ANKS1B: variants seen among roughly 807,000 people sequenced by gnomAD.
The protein encoded by ANKS1B is ankyrin repeat and sterile alpha motif domain containing 1B.
ANKS1B carries 36 observed loss-of-function variants against 148.3 expected under a neutral mutation model. That is an observed-to-expected ratio of 0.24 (90% CI 0.19 to 0.32). The LOEUF is 0.32. Ranked by LOEUF, ANKS1B falls within the 10% of genes least tolerant of loss-of-function variation. The probability of loss-of-function intolerance (pLI) is 1.00; values close to 1 mark genes in which losing one functional copy is unlikely to be tolerated. For synonymous variants in ANKS1B, 542 were observed against 560.8 expected, an observed-to-expected ratio of 0.97 and a Z score of 0.47; for missense variants, 1,157 against 1,542.6, an observed-to-expected ratio of 0.75 and a Z score of 4.19.
intron 14 of ANKS1B, among the ~76,000 whole-genome samples, chr12:99,240,482 C>T (rs1257296285): frequency 6.6e-6 from 1 of 152,180 alleles, no homozygotes; most frequent in Non-Finnish European, 1.5e-5. Flanking sequence ...TAACACCCCA[C>T]TGCCAATATT....
chr12:99,014,598 G>A (rs921892589), intron 17 of ANKS1B, among the ~76,000 whole-genome samples: 3 of 152,202 alleles, frequency 2.0e-5, no homozygotes, highest in Admixed American at 6.5e-5. Flanking sequence ...TTTACATAAT[G>A]GTAGAAAATT....
At chr12:98,921,600 G>C (rs766516936) in intron 17 of ANKS1B, among the ~76,000 whole-genome samples, 13 of 152,184 alleles carry the variant, frequency 8.5e-5, no homozygotes, top group Admixed American at 1.3e-4. Flanking sequence ...TTCCATGCCT[G>C]TCTTCCATCC....
intron 19 of ANKS1B, among the ~76,000 whole-genome samples, chr12:98,813,891 T>C (rs1315078724): frequency 6.8e-6 from 1 of 147,688 alleles, no homozygotes; most frequent in African/African-American, 2.5e-5. Context: ...TTTTGTTTGT[T>C]TGTTTTTGAG....
chr12:98,788,866 C>G (rs2098821783), intron 22 of ANKS1B, among the ~76,000 whole-genome samples: 1 of 152,256 alleles, frequency 6.6e-6, no homozygotes, highest in African/African-American at 2.4e-5. Flanking sequence ...ACACACTGTT[C>G]TCCACTTGAC....
At chr12:99,637,909 C>T (rs990541231) in intron 9 of ANKS1B, among the ~76,000 whole-genome samples, 1 of 151,540 alleles carries the variant, frequency 6.6e-6, no homozygotes, top group African/African-American at 2.4e-5. Flanking sequence ...TTCTGTCCCT[C>T]TAGACAACCC....
At position 99,033,359 on chromosome 12, in the gene ANKS1B, G is replaced by T. The variant is rs573609743; in HGVS notation, c.2778+19798C>A. 3.3e-5 allele frequency among the ~76,000 whole-genome samples: 5 copies of T among 152,230 alleles called. 1 individual carries two copies. Among genetic ancestry groups the T allele is most frequent in the Admixed American group, 1.3e-4 (2 of 15,282 alleles). ...GTACATATAAGGACATATAAGAAAT[G>T]CAGGTTTATAATTTAGTAGTCATGG... is the stretch of plus-strand genomic sequence containing the variant. On this transcript the variant is annotated intron_variant, in intron 17 of 26. Coordinates refer to ENST00000683438, the MANE Select transcript of ANKS1B (RefSeq NM_001352186.2).
chr12:99,204,395 C>T (rs2082395894), intron 14 of ANKS1B, among the ~76,000 whole-genome samples: 1 of 152,148 alleles, frequency 6.6e-6, no homozygotes, highest in Admixed American at 6.5e-5. Flanking sequence ...GTGACAAATC[C>T]AAACTGCTAC....
chr12:98,804,939 T>C (rs2099038580), intron 20 of ANKS1B, among the ~76,000 whole-genome samples: 1 of 152,174 alleles, frequency 6.6e-6, no homozygotes, highest in African/African-American at 2.4e-5. Context: ...GCCACAATAA[T>C]GGTTTATAAT....
chr12:99,261,858 C>G (rs986174118), intron 12 of ANKS1B, among the ~76,000 whole-genome samples: 3 of 152,120 alleles, frequency 2.0e-5, no homozygotes, highest in Non-Finnish European at 4.4e-5. Flanking sequence ...TGAGTAAAAG[C>G]CAGGATCCTT....
intron 17 of ANKS1B, among the ~76,000 whole-genome samples, chr12:98,996,331 A>C (rs1463946621): frequency 6.6e-6 from 1 of 152,152 alleles, no homozygotes; most frequent in Non-Finnish European, 1.5e-5. Flanking sequence ...GAAGATGAAA[A>C]GATTTGCTTT....
At chr12:98,913,827 T>C (rs190262767) in intron 17 of ANKS1B, among the ~76,000 whole-genome samples, 3 of 152,254 alleles carry the variant, frequency 2.0e-5, no homozygotes, top group Non-Finnish European at 4.4e-5. Context: ...GACAAGGTTT[T>C]GCCATGTTGG....
intron 9 of ANKS1B, among the ~76,000 whole-genome samples, chr12:99,641,042 A>G (rs2098298198): frequency 6.6e-6 from 1 of 152,154 alleles, no homozygotes; most frequent in Non-Finnish European, 1.5e-5. Context: ...TACTATACAT[A>G]CTTCCAGATT....
intron 14 of ANKS1B, among the ~76,000 whole-genome samples, chr12:99,216,287 A>G (rs2084177577): frequency 6.6e-6 from 1 of 152,158 alleles, no homozygotes; most frequent in South Asian, 2.1e-4. Flanking sequence ...ATACTCAGGT[A>G]TTTCTTCATA....
intron 2 of ANKS1B, among the ~76,000 whole-genome samples, chr12:99,824,975 A>G (rs986377155): frequency 6.6e-6 from 1 of 152,186 alleles, no homozygotes; most frequent in Non-Finnish European, 1.5e-5. Flanking sequence ...ACAAGGAGAC[A>G]CCAAAAAAGG....
At chr12:98,748,076 T>C (rs976145415) in intron 26 of ANKS1B, among the ~76,000 whole-genome samples, 4 of 152,228 alleles carry the variant, frequency 2.6e-5, no homozygotes, top group Admixed American at 2.0e-4. Context: ...ATTTATTGTA[T>C]ATTTCAAAAT....
At position 98,945,420 on chromosome 12, in the gene ANKS1B, G is replaced by A. The variant is rs137961615; in HGVS notation, c.2778+107737C>T. Among the ~76,000 whole-genome samples, 355 of 149,984 alleles carry A rather than the reference G, an allele frequency of 2.4e-3. 5 individuals are homozygous for A. The East Asian group carries it at 0.047, about 20-fold the overall frequency. ...TGAGGTAGAAGGATTGCCTGAGCCC[G>A]GAAGGTGGAGTTTGCAGTGAGCTGA... On this transcript the variant is annotated intron_variant, in intron 17 of 26. Coordinates refer to ENST00000683438, the MANE Select transcript of ANKS1B (RefSeq NM_001352186.2).
chr12:98,770,241 C>G (rs774465867), intron 25 of ANKS1B, among the ~76,000 whole-genome samples: 1 of 152,180 alleles, frequency 6.6e-6, no homozygotes, highest in African/African-American at 2.4e-5. Flanking sequence ...TCTCTAAGAC[C>G]AGAGAGTAGA....
At chr12:99,694,120 T>C (rs539732019) in intron 8 of ANKS1B, among the ~76,000 whole-genome samples, 3 of 150,042 alleles carry the variant, frequency 2.0e-5, no homozygotes, top group Non-Finnish European at 4.4e-5. Context: ...GTACCAATAA[T>C]TTTCTATAAA....
At chr12:99,381,151 A>G (rs1179146271) in intron 12 of ANKS1B, among the ~76,000 whole-genome samples, 1 of 152,242 alleles carries the variant, frequency 6.6e-6, no homozygotes, top group Non-Finnish European at 1.5e-5. Flanking sequence ...CCTTGATTTC[A>G]GACTTCTAGG....
Sources: gnomAD v4.1 joint callset for allele counts (sites outside exome capture counted in the v4.1 genomes callset) on GRCh38, gnomAD v4.1.1 for gene constraint, MANE v1.5 for transcripts, NCBI Gene and HGNC (gene_info 2026-07-23, HGNC 2026-07-21) for gene names.